PIEZO2: variants seen among roughly 807,000 people sequenced by gnomAD.
The protein encoded by PIEZO2 is piezo type mechanosensitive ion channel component 2.
Under a neutral mutation model 337.3 loss-of-function variants are expected in PIEZO2, and 172 were observed. The observed-to-expected ratio is 0.51, with a 90% CI of 0.45 to 0.58. The LOEUF (loss-of-function observed/expected upper bound fraction) is 0.58, where lower values mean the gene tolerates loss of function less well. Ranked by LOEUF, PIEZO2 falls within the 20% of genes least tolerant of loss-of-function variation. The pLI is 0.00. For missense variants in PIEZO2, 3,028 were observed against 3,391.3 expected, an observed-to-expected ratio of 0.89 and a Z score of 2.66; for synonymous variants, 1,251 against 1,228.5, an observed-to-expected ratio of 1.02 and a Z score of -0.38.
At chr18:10,896,935 T>A (rs1034949744) in intron 4 of PIEZO2, among the ~76,000 whole-genome samples, 19 of 152,292 alleles carry the variant, frequency 1.2e-4, no homozygotes, top group Admixed American at 1.0e-3. Flanking sequence ...TAATCTCTGC[T>A]GAAAAAAAGT....
intron 4 of PIEZO2, among the ~76,000 whole-genome samples, chr18:10,900,783 G>A (rs1041155070): frequency 3.3e-5 from 5 of 152,082 alleles, no homozygotes; most frequent in Non-Finnish European, 5.9e-5. Context: ...GAAAATAGAC[G>A]TGCTCCTACT....
intron 18 of PIEZO2, among the ~76,000 whole-genome samples, chr18:10,774,427 C>T (rs982113091): frequency 2.7e-5 from 4 of 149,786 alleles, no homozygotes; most frequent in East Asian, 2.0e-4. Context: ...TTTGTGTAGA[C>T]GAATCCCACT....
Position 10,850,493 on chromosome 18 carries a change from T to G in PIEZO2, c.917+4860A>C, listed in dbSNP as rs547467876. ...TGTGGGGTTGCAACTTGCTCATCAT[T>G]AAGTTTTGTTTAGATTTAGAAGTAA... On this transcript the variant is annotated intron_variant, in intron 7 of 55. Transcript: ENST00000674853. The surrounding 1 kb of genome is among the most constrained non-coding windows in gnomAD (Gnocchi z 4.5). 8.5e-5 allele frequency among the ~76,000 whole-genome samples: 13 copies of G among 152,334 alleles called. No individual in the cohort carries two copies. Among genetic ancestry groups the G allele is most frequent in the Admixed American group, 7.8e-4 (12 of 15,304 alleles).
At chr18:11,024,317 G>A (rs1490970938) in intron 2 of PIEZO2, among the ~76,000 whole-genome samples, 6 of 152,020 alleles carry the variant, frequency 3.9e-5, no homozygotes, top group East Asian at 2.0e-4. Context: ...AGGCCGAGGC[G>A]AGCAGATCAC....
intron 55 of PIEZO2, 151 bp from the exon 56 acceptor site, chr18:10,671,930 A>C (rs1287284209): frequency 5.8e-6 from 4 of 689,558 alleles, no homozygotes; most frequent in Non-Finnish European, 4.4e-6. Flanking sequence ...TTGGTTAAAA[A>C]GTTGACTTTT....
At position 11,003,691 on chromosome 18, in the gene PIEZO2, A is replaced by T. The variant is rs78792595; in HGVS notation, c.161-24031T>A. On this transcript the variant is annotated intron_variant, in intron 2 of 55. Coordinates refer to ENST00000674853, the MANE Select transcript of PIEZO2 (RefSeq NM_001378183.1). This position sits in a 1 kb window ranked among gnomAD's most constrained non-coding sequence, Gnocchi z 4.6. The stretch of plus-strand genomic sequence containing the variant: ...CTTGGGCACACTCACATACTAGCAC[A>T]CAGACTGGGACCATGTGGACACACC... Among the ~76,000 whole-genome samples, 6,934 of 152,210 alleles carry T rather than the reference A, an allele frequency of 0.046. 546 individuals are homozygous for T. Among genetic ancestry groups the T allele is most frequent in the African/African-American group, 0.16 (6,442 of 41,506 alleles).
rs76014761 is a variant in PIEZO2 at position 10,824,235 on chromosome 18, G to A, written c.918-16961C>T. Reference sequence around the variant, plus strand: ...AGGGAATAATTTACGAGAGTAGCAAGAGACAAGTCTCCATAGTCTGTGGGA... The same window carrying A: ...AGGGAATAATTTACGAGAGTAGCAAAAGACAAGTCTCCATAGTCTGTGGGA... On this transcript the variant is annotated intron_variant, in intron 7 of 55. Transcript: ENST00000674853. This position sits in a 1 kb window ranked among gnomAD's most constrained non-coding sequence, Gnocchi z 4.4. Among the ~76,000 whole-genome samples, 39 of 152,232 alleles carry A rather than the reference G, an allele frequency of 2.6e-4. No homozygotes were observed. In the South Asian group the frequency reaches 8.1e-3, roughly 32 times the overall value.
At chr18:11,117,910 T>C (rs2039933229) in intron 1 of PIEZO2, among the ~76,000 whole-genome samples, 1 of 152,208 alleles carries the variant, frequency 6.6e-6, no homozygotes, top group Non-Finnish European at 1.5e-5. Context: ...AGGGATACAG[T>C]AGCTGCATTC....
intron 3 of PIEZO2, among the ~76,000 whole-genome samples, chr18:10,968,444 G>A (rs1439441024): frequency 1.3e-5 from 2 of 152,040 alleles, no homozygotes; most frequent in East Asian, 1.9e-4. Context: ...CACTTTTTTG[G>A]TTCCATATGA....
At chr18:10,998,861 C>CAAAAAAAAA (rs10544415) in intron 2 of PIEZO2, among the ~76,000 whole-genome samples, 4 of 118,812 alleles carry the variant, frequency 3.4e-5, no homozygotes, top group African/African-American at 6.0e-5. Context: ...TCAAATACAG[C>CAAAAAAAAA]AAAAAAAAAA....
At chr18:10,777,209 T>C (rs1365219797) in intron 18 of PIEZO2, among the ~76,000 whole-genome samples, 2 of 152,250 alleles carry the variant, frequency 1.3e-5, no homozygotes, top group Non-Finnish European at 2.9e-5. Context: ...TTATTCAGGC[T>C]CTGAGCTCTA....
rs1335787000 is a variant in PIEZO2 at position 11,149,474 on chromosome 18, C to T, written c.-886G>A. ...AACTCAAGAGAAAAACCAGCGCCGT[C>T]CCGTCGCCCAGCGCGACCACCGCCT... On this transcript the variant is annotated 5_prime_UTR_variant, in exon 1 of 56. Coordinates refer to ENST00000674853, the MANE Select transcript of PIEZO2 (RefSeq NM_001378183.1). This position sits in a 1 kb window ranked among gnomAD's most constrained non-coding sequence, Gnocchi z 8.7. Among the ~76,000 whole-genome samples, 2 of 151,964 alleles carry T rather than the reference C, an allele frequency of 1.3e-5. No individual in the cohort carries two copies. Among genetic ancestry groups the T allele is most frequent in the Non-Finnish European group, 2.9e-5 (2 of 67,950 alleles).
chr18:10,735,471 G>A (rs1260593141), intron 34 of PIEZO2, among the ~76,000 whole-genome samples, 141 bp from the exon 35 acceptor site: 1 of 152,152 alleles, frequency 6.6e-6, no homozygotes, highest in Admixed American at 6.5e-5. Flanking sequence ...AGAATAAAAT[G>A]TGCTCTGCTT....
Position 10,962,894 on chromosome 18 carries a change from G to A in PIEZO2, c.286+16641C>T, listed in dbSNP as rs532743353. Among the ~76,000 whole-genome samples, 11 of 152,202 alleles carry A rather than the reference G, an allele frequency of 7.2e-5. No homozygotes were observed. Among genetic ancestry groups the A allele is most frequent in the East Asian group, 1.9e-4 (1 of 5,174 alleles). ...ACAGCCCTGAAAGCTATATTCTGTC[G>A]TGAAATGCATACACCTCTATCATCT... On this transcript the variant is annotated intron_variant, in intron 3 of 55. Coordinates refer to ENST00000674853, the MANE Select transcript of PIEZO2 (RefSeq NM_001378183.1). The surrounding 1 kb of genome is among the most constrained non-coding windows in gnomAD (Gnocchi z 4.1).
intron 2 of PIEZO2, among the ~76,000 whole-genome samples, chr18:11,064,524 T>G (rs1486916491): frequency 6.6e-6 from 1 of 152,230 alleles, no homozygotes; most frequent in Non-Finnish European, 1.5e-5. Flanking sequence ...AGTTTTTTCC[T>G]TTTGATTTTA....
intron 36 of PIEZO2, among the ~76,000 whole-genome samples, chr18:10,720,086 T>C (rs11664682): frequency 0.09 from 13,608 of 151,450 alleles, 1,092 homozygotes; most frequent in East Asian, 0.26. Flanking sequence ...ATCTTAAATC[T>C]TCATATTTTT....
chr18:10,905,467 C>A (rs990400386), intron 4 of PIEZO2, among the ~76,000 whole-genome samples: 1 of 151,956 alleles, frequency 6.6e-6, no homozygotes, highest in Middle Eastern at 3.4e-3. Flanking sequence ...CCTATAATCC[C>A]AGCTACTCAG....
intron 2 of PIEZO2, among the ~76,000 whole-genome samples, chr18:10,992,803 T>C (rs928474673): frequency 2.6e-5 from 4 of 152,246 alleles, no homozygotes. Context: ...GCATTGAATC[T>C]ATAAATTACT....
chr18:11,068,797 C>G (rs562740032), intron 1 of PIEZO2, among the ~76,000 whole-genome samples: 1 of 152,062 alleles, frequency 6.6e-6, no homozygotes, highest in East Asian at 1.9e-4. Flanking sequence ...CAGAAGAAGA[C>G]AGAAGATGCA....
Sources: allele counts gnomAD v4.1 joint callset (sites outside exome capture counted in the v4.1 genomes callset), GRCh38; gene constraint gnomAD v4.1.1; non-coding constraint Gnocchi (gnomAD v3.1); transcripts MANE v1.5; gene names NCBI Gene and HGNC (gene_info 2026-07-23, HGNC 2026-07-21).